The following TAF1C variants were observed in gnomAD, a reference collection of about 807,000 sequenced individuals.
TAF1C encodes the protein TATA box-binding protein-associated factor RNA polymerase I subunit C.
In TAF1C, 79 loss-of-function variants were observed where a neutral mutation model predicts 70.5. The ratio of observed to expected loss-of-function variants is 1.12; its 90% confidence interval spans 0.93 to 1.35. The LOEUF (loss-of-function observed/expected upper bound fraction) is 1.35, where lower values mean the gene tolerates loss of function less well. Among genes scored for constraint, TAF1C ranks in the 40% most tolerant of loss-of-function variants. The pLI is 0.00. For missense variants in TAF1C, 1,412 were observed against 1,127.8 expected (o/e 1.25, Z -3.61); for synonymous variants, 614 against 491.1 (o/e 1.25, Z -3.31).
rs537152789 is a variant in TAF1C, at chr16:84,181,254, C to A, written c.1165-68G>T. 8 of 1,598,010 alleles carry A rather than the reference C, an allele frequency of 5.0e-6. No homozygotes were observed. The Admixed American group carries it at 1.3e-4, about 27-fold the overall frequency. On this transcript the variant is annotated intron_variant, in intron 11 of 14. Transcript: ENST00000566732. ...CCGGTGACGCTGTCCTCGCCCAGGC[C>A]GCAGCCAGCCTGGGACTCACCGCTC...
In TAF1C at chr16:84,181,367, G is replaced by T. The variant is rs372633491; in HGVS notation, c.1125C>A (p.Thr375=). Residue 375 remains threonine, a synonymous_variant, in exon 11 of 15, where the codon ACC becomes ACA. Transcript: ENST00000566732. ...TCTTCACTCCGGTGCGGTCACCCAC[G>T]GTCAGCACCCGAGGGTGCGCAGTGA... The part of the protein sequence containing the change: ...ADFTAHPRVL[T]VGDRTGVKML... 1.9e-6 allele frequency: 3 copies of T among 1,613,734 alleles called. No homozygotes were observed. Among genetic ancestry groups the T allele is most frequent in the Non-Finnish European group, 2.5e-6 (3 of 1,179,958 alleles).
In TAF1C at chr16:84,178,457, G is replaced by C; in HGVS notation, c.*484C>G. 2.2e-6 allele frequency: 1 copy of C among 459,030 alleles called. No individual in the cohort carries two copies. Among genetic ancestry groups the C allele is most frequent in the South Asian group, 1.5e-5 (1 of 64,576 alleles). The allele number at this position is 459,030 out of a possible 1,614,324, so 28.4% of individuals were successfully genotyped here. On this transcript the variant is annotated 3_prime_UTR_variant, in exon 15 of 15. Transcript: ENST00000566732. ...TCCCTGTAGGAAACATCAGACCGGG[G>C]CAGAGATTGACAAAGCAACCCACAA...
intron 3 of TAF1C, 59 bp downstream of exon 3, chr16:84,183,638 A>G: frequency 6.4e-7 from 1 of 1,560,964 alleles, no homozygotes; most frequent in Non-Finnish European, 8.8e-7. Context: ...CAGGAGCGGG[A>G]GCAGTGGGAA....
At position 84,181,853 on chromosome 16, in the gene TAF1C, G is replaced by A. The variant is rs770010413; in HGVS notation, c.849C>T (p.Ala283=). ...TCTVQGETLL[A]VRSDYHCAVW... is the part of the protein sequence containing the mutation. ...CGGCACAGTGGTAGTCAGAGCGGAC[G>A]GCCAGCAGAGCTGAGGAGGGATGGA... The change falls in exon 9 of 15, where the codon GCC becomes GCT. Residue 283 remains alanine, a synonymous_variant. Transcript: ENST00000566732. 1.6e-5 allele frequency: 26 copies of A among 1,614,060 alleles called. No individual in the cohort carries two copies. The highest frequency in any genetic ancestry group is 4.5e-5 in the East Asian group (2 of 44,894).
In TAF1C at chr16:84,181,034, G is replaced by A. The variant is rs760808855; in HGVS notation, c.1308+9C>T. ...GAGGTGGGGCGGGGCGGTGTTGTGT[G>A]CCACTCACCTGGGTACAGACGAGAT... On this transcript the variant is annotated intron_variant, in intron 12 of 14. Transcript: ENST00000566732. 8 of 1,596,714 alleles carry A rather than the reference G, an allele frequency of 5.0e-6. No homozygotes were observed. Among genetic ancestry groups the A allele is most frequent in the African/African-American group, 4.0e-5 (3 of 74,740 alleles).
rs912075969 is a variant in TAF1C at position 84,181,458 on chromosome 16, C to T, written c.1034G>A (p.Arg345Gln). The change falls in exon 11 of 15, where the codon CGG (arginine) becomes CAG (glutamine). Residue 345 changes from arginine to glutamine, a missense_variant. Coordinates refer to ENST00000566732, the MANE Select transcript of TAF1C (RefSeq NM_001243156.2). ...VCLWSPEDGLRQIYRDPETLV... is the reference protein window; with the variant it reads ...VCLWSPEDGLQQIYRDPETLV... The stretch of plus-strand genomic sequence containing the variant: ...GGTCTCAGGGTCCCTGTAGATTTGC[C>T]GCAGCCTTGGGGAGACAGGCAAGCC... The T allele has an allele frequency of 3.5e-5, 57 of 1,613,672 alleles. No individual in the cohort carries two copies. Among genetic ancestry groups the T allele is most frequent in the Admixed American group, 2.0e-4 (12 of 60,016 alleles).
rs372476152 is a variant in TAF1C, at chr16:84,179,644, C to T, written c.1829G>A (p.Cys610Tyr). The T allele has an allele frequency of 6.2e-6, 10 of 1,612,394 alleles. No homozygotes were observed. In the African/African-American group the frequency reaches 1.1e-4, roughly 17 times the overall value. ...ASWTSQDTAG[C>Y]SQWLKALLKV... ...TAGCAGGGCCTTCAGCCACTGGCTG[C>T]AGCCGGCAGTGTCCTGGGAGGTCCA... The change falls in exon 15 of 15, where the codon TGC becomes TAC. Residue 610 changes from cysteine to tyrosine, a missense_variant. Physicochemically the swap from Cys to Tyr is radical, Grantham distance 194. Coordinates refer to ENST00000566732, the MANE Select transcript of TAF1C (RefSeq NM_001243156.2).
At position 84,180,101 on chromosome 16, in the gene TAF1C, G is replaced by C; in HGVS notation, c.1484-18C>G. 1 of 1,583,828 alleles carries C rather than the reference G, an allele frequency of 6.3e-7. No homozygotes were observed. Among genetic ancestry groups the C allele is most frequent in the Non-Finnish European group, 8.6e-7 (1 of 1,167,774 alleles). On this transcript the variant is annotated intron_variant, in intron 13 of 14. Transcript: ENST00000566732. The stretch of plus-strand genomic sequence containing the variant: ...CCCTTCTCCTGAGGAAGGACAGACA[G>C]CTGAGGCCCTGTCCAGGCCCCGACC...
At chr16:84,179,894 G>T (rs763266437) in intron 14 of TAF1C, 43 bp from the exon 15 acceptor site, 2 of 1,609,336 alleles carry the variant, frequency 1.2e-6, no homozygotes, top group Non-Finnish European at 1.7e-6. Context: ...CTAGCGGGGG[G>T]AGGGGATGTT....
chr16:84,183,425 C>T lies in TAF1C; in HGVS notation c.303G>A (p.Leu101=), dbSNP rs753156716. 2.2e-5 allele frequency: 36 copies of T among 1,612,740 alleles called. No individual in the cohort carries two copies. Among genetic ancestry groups the T allele is most frequent in the Non-Finnish European group, 3.1e-5 (36 of 1,179,372 alleles). Residue 101 remains leucine, a synonymous_variant, in exon 4 of 15, where the codon CTG becomes CTA. Transcript: ENST00000566732. The stretch of plus-strand genomic sequence containing the variant: ...GCCCACTCACCTGCTCAGTCACATC[C>T]AGCACGACTCGGGGCCGCTTCCGAT... The part of the protein sequence containing the change: ...CRYRKRPRVV[L]DVTEQISRFL...
In TAF1C at chr16:84,182,499, C is replaced by T; in HGVS notation, c.483-59G>A. On this transcript the variant is annotated intron_variant, in intron 6 of 14. Transcript: ENST00000566732. This position sits in a 1 kb window ranked among gnomAD's most constrained non-coding sequence, Gnocchi z 5.0. ...GTGGCACTCAGGGGAGGACAGGTCC[C>T]ATCCCAAGGAGGCCAAGTGCAGTGG... 6.7e-7 allele frequency: 1 copy of T among 1,496,030 alleles called. No homozygotes were observed. Among genetic ancestry groups the T allele is most frequent in the Non-Finnish European group, 9.0e-7 (1 of 1,112,676 alleles). 92.7% of individuals were successfully genotyped at this position (1,496,030 alleles called of 1,614,324 possible). A position where few individuals can be genotyped will look rare whatever the true frequency, so the allele number is the denominator to read the frequency against.
chr16:84,181,173 C>T lies in TAF1C; in HGVS notation c.1178G>A (p.Cys393Tyr). ...CCCCAAACGAAAAAGCAACAGACCA[C>T]AGCCCGGCGGGCCCTGGAAGATAAA... ...KMLDTQGPPG[C>Y]GLLLFRLGAE... Residue 393 changes from cysteine (C) to tyrosine (Y), a missense_variant, in exon 12 of 15, where the codon TGT becomes TAT. Transcript: ENST00000566732. The T allele has an allele frequency of 1.2e-6, 2 of 1,609,370 alleles. No individual in the cohort carries two copies. Among genetic ancestry groups the T allele is most frequent in the Non-Finnish European group, 8.5e-7 (1 of 1,176,182 alleles).
At chr16:84,180,120 C>G in intron 13 of TAF1C, 37 bp from the exon 14 acceptor site, 1 of 1,564,982 alleles carries the variant, frequency 6.4e-7, no homozygotes, top group Non-Finnish European at 8.6e-7. Flanking sequence ...CTGTCCAGGC[C>G]CCGACCGCCC....
At chr16:84,180,776 C>T (rs2089129222) in intron 12 of TAF1C, 2 of 1,332,896 alleles carry the variant, frequency 1.5e-6, no homozygotes, top group South Asian at 2.0e-5. Flanking sequence ...TGCACGGAAG[C>T]CCCACCCCGA....
In TAF1C at chr16:84,183,323, A is replaced by T; in HGVS notation, c.329T>A (p.Phe110Tyr). Residue 110 changes from phenylalanine (F) to tyrosine (Y), a missense_variant, in exon 5 of 15, where the codon TTC becomes TAC. Transcript: ENST00000566732. ...GGCTACGTCTCCATGATCCAAGAGG[A>T]ACCGGCTGATCTGGGGAGAAGAGGA... is the stretch of plus-strand genomic sequence containing the variant. ...VLDVTEQISR[F>Y]LLDHGDVAFA... 6.2e-7 allele frequency: 1 copy of T among 1,613,990 alleles called. No individual in the cohort carries two copies. The highest frequency in any genetic ancestry group is 2.2e-5 in the East Asian group (1 of 44,882).
At position 84,181,969 on chromosome 16, in the gene TAF1C, C is replaced by A. The variant is rs755003666; in HGVS notation, c.811G>T (p.Val271Leu). ...TCTCCCTGGACGGTGCATGTCACCA[C>A]TTGCCGGACAGGTCCCTGGAGCTGG... Reference protein sequence around the residue: ...RIQLQGPVRQVVTCTVQGETL... With the variant: ...RIQLQGPVRQLVTCTVQGETL... The change falls in exon 8 of 15, where the codon GTG (valine) becomes TTG (leucine). Residue 271 changes from valine (V) to leucine (L), a missense_variant. Physicochemically the swap from Val to Leu is conservative, Grantham distance 32. Transcript: ENST00000566732. 5 of 1,613,972 alleles carry A rather than the reference C, an allele frequency of 3.1e-6. No individual in the cohort carries two copies. The highest frequency in any genetic ancestry group is 4.2e-6 in the Non-Finnish European group (5 of 1,180,032).
At chr16:84,180,655 C>A (rs571962410) in intron 12 of TAF1C, 4 of 694,154 alleles carry the variant, frequency 5.8e-6, no homozygotes, top group African/African-American at 5.6e-5. Flanking sequence ...CTCTCCTGAC[C>A]CGGGAGCCTG....
intron 1 of TAF1C, among the ~76,000 whole-genome samples, chr16:84,186,415 G>T (rs987851203): frequency 2.6e-5 from 4 of 152,196 alleles, no homozygotes; most frequent in African/African-American, 9.7e-5. Context: ...TTAGCCGGGC[G>T]TGGTGGTGTA....
rs959755333 is a variant in TAF1C at position 84,179,405 on chromosome 16, T to C, written c.2068A>G (p.Lys690Glu). Residue 690 changes from lysine to glutamate, a missense_variant, in exon 15 of 15, where the codon AAG becomes GAG. Physicochemically the swap from Lys to Glu is moderately conservative, Grantham distance 56. Transcript: ENST00000566732. ...GCTTCCCCCAGGCGCTCACTGAGCTTGTCCTCTAGGCCTGACTCGGGTGCA... is the reference window on the plus strand; with the variant it reads ...GCTTCCCCCAGGCGCTCACTGAGCTCGTCCTCTAGGCCTGACTCGGGTGCA... ...PPAPESGLED[K>E]LSERLGEAWA... 2.5e-6 allele frequency: 4 copies of C among 1,598,214 alleles called. No homozygotes were observed. Among genetic ancestry groups the C allele is most frequent in the Middle Eastern group, 1.6e-4 (1 of 6,070 alleles).
Sources: allele counts gnomAD v4.1 joint callset (sites outside exome capture counted in the v4.1 genomes callset), GRCh38; gene constraint gnomAD v4.1.1; non-coding constraint Gnocchi (gnomAD v3.1); transcripts MANE v1.5; gene names NCBI Gene and HGNC (gene_info 2026-07-23, HGNC 2026-07-21).